NBEA: variants seen among roughly 807,000 people sequenced by gnomAD.
NBEA encodes the protein neurobeachin, also known as lysosomal-trafficking regulator 2.
In NBEA, 44 loss-of-function variants were observed where a neutral mutation model predicts 343.4. The ratio of observed to expected loss-of-function variants is 0.13; its 90% CI spans 0.10 to 0.16. The LOEUF is 0.16. NBEA is among the 10% of genes least tolerant of loss of function. NBEA has a pLI of 1.00. For missense variants in NBEA, 2,555 were observed against 3,631.3 expected, an observed-to-expected ratio of 0.70 and a Z score of 7.62; for synonymous variants, 1,175 against 1,238.7, an observed-to-expected ratio of 0.95 and a Z score of 1.08.
intron 41 of NBEA, among the ~76,000 whole-genome samples, chr13:35,526,937 G>A (rs73171526): frequency 6.6e-4 from 101 of 152,162 alleles, no homozygotes; most frequent in Non-Finnish European, 1.4e-3. Context: ...TAGACACCAG[G>A]AACCACAGAG....
intron 31 of NBEA, among the ~76,000 whole-genome samples, chr13:35,205,352 C>T (rs1050937603): frequency 6.6e-6 from 1 of 152,116 alleles, no homozygotes; most frequent in Non-Finnish European, 1.5e-5. Context: ...TGATTAGAAA[C>T]TGGAATTCAT....
At chr13:35,104,887 A>G (rs567994675) in intron 11 of NBEA, among the ~76,000 whole-genome samples, 11 of 152,126 alleles carry the variant, frequency 7.2e-5, no homozygotes, top group South Asian at 6.2e-4. Flanking sequence ...GATTCAAAGT[A>G]TCTTAAACAT....
At position 35,278,104 on chromosome 13, in the gene NBEA, TATAAAATATATATATATAC is replaced by T. The variant is rs1169599844; in HGVS notation, c.5777-12267_5777-12249del. Among the ~76,000 whole-genome samples the T allele has an allele frequency of 6.1e-5, 9 of 147,604 alleles. No homozygotes were observed. In the East Asian group the frequency reaches 1.4e-3, roughly 22 times the overall value. ...CTCCATCTCAAAAAATATATATATA[TATAAAATATATATATATAC>T]ATAAAATATATATATATGCACACAT... On this transcript the variant is annotated intron_variant, in intron 34 of 58. Transcript: ENST00000379939.
chr13:35,425,670 A>G (rs9530567), intron 38 of NBEA, among the ~76,000 whole-genome samples: 56,226 of 151,916 alleles, frequency 0.37, 10,626 homozygotes, highest in East Asian at 0.63. Context: ...GGTCCTCTTG[A>G]TGCAGAGCTG....
intron 38 of NBEA, among the ~76,000 whole-genome samples, chr13:35,420,956 T>C (rs2044235060): frequency 6.6e-6 from 1 of 152,008 alleles, no homozygotes. Context: ...TCTTTGTTTT[T>C]GTTAATTTTT....
At chr13:35,407,976 A>G (rs570489683) in intron 38 of NBEA, among the ~76,000 whole-genome samples, 2 of 152,344 alleles carry the variant, frequency 1.3e-5, no homozygotes, top group South Asian at 2.1e-4. Flanking sequence ...CTATTAACCT[A>G]CCATTGAGAT....
At chr13:35,273,924 T>A (rs944658439) in intron 34 of NBEA, among the ~76,000 whole-genome samples, 1 of 152,170 alleles carries the variant, frequency 6.6e-6, no homozygotes, top group Non-Finnish European at 1.5e-5. Flanking sequence ...ACAGCCGAAT[T>A]CTACCAGATA....
chr13:35,610,057 T>C (rs2082439862), intron 48 of NBEA, among the ~76,000 whole-genome samples: 1 of 152,200 alleles, frequency 6.6e-6, no homozygotes. Context: ...CACTGAAAAA[T>C]AATTTGTTTG....
Position 35,156,130 on chromosome 13 carries a change from G to A in NBEA, c.2575G>A (p.Ala859Thr), listed in dbSNP as rs767195302. The change falls in exon 20 of 59, where the codon GCA becomes ACA. Residue 859 changes from alanine (A) to threonine (T), a missense_variant. Physicochemically the swap from Ala to Thr is moderately conservative, Grantham distance 58. Coordinates refer to ENST00000379939, the MANE Select transcript of NBEA (RefSeq NM_001385012.1). ...ATLLKNSTPS[A>T]ELMEVRRLFL... ...TTTGTTAAAAAACTCTACACCAAGT[G>A]CAGAGCTGATGGAAGTTCGTCGTTT... The A allele has an allele frequency of 6.3e-7, 1 of 1,592,820 alleles. No homozygotes were observed. The highest frequency in any genetic ancestry group is 8.5e-7 in the Non-Finnish European group (1 of 1,171,296).
At chr13:35,472,040 G>A (rs543138092) in intron 40 of NBEA, among the ~76,000 whole-genome samples, 2 of 152,078 alleles carry the variant, frequency 1.3e-5, no homozygotes, top group Admixed American at 6.5e-5. Context: ...TGACTGCCTA[G>A]GGTCTCTGGA....
At chr13:35,131,473 A>G (rs1272390118) in intron 17 of NBEA, among the ~76,000 whole-genome samples, 1 of 152,190 alleles carries the variant, frequency 6.6e-6, no homozygotes, top group Non-Finnish European at 1.5e-5. Flanking sequence ...GTGTGCAAAA[A>G]ATTTTCATAA....
intron 1 of NBEA, among the ~76,000 whole-genome samples, chr13:34,970,161 G>A (rs1452339752): frequency 1.3e-5 from 2 of 152,014 alleles, no homozygotes; most frequent in Non-Finnish European, 2.9e-5. Flanking sequence ...GCTGAGCTTT[G>A]TTTCATATGA....
intron 41 of NBEA, among the ~76,000 whole-genome samples, chr13:35,533,413 A>G (rs1411400367): frequency 6.6e-6 from 1 of 152,156 alleles, no homozygotes; most frequent in Non-Finnish European, 1.5e-5. Context: ...ATAAAAATTT[A>G]TAATACGTAT....
chr13:35,497,032 T>TA (rs2076708258), intron 41 of NBEA, among the ~76,000 whole-genome samples: 1 of 152,072 alleles, frequency 6.6e-6, no homozygotes, highest in Non-Finnish European at 1.5e-5. Context: ...CACTGTGAAT[T>TA]ACGCAAATAG....
chr13:35,464,389 G>C (rs1278235235), intron 40 of NBEA, among the ~76,000 whole-genome samples: 1 of 152,088 alleles, frequency 6.6e-6, no homozygotes, highest in Admixed American at 6.5e-5. Flanking sequence ...TGCTCACAAT[G>C]CTCTCGAAGA....
chr13:35,147,124 A>G (rs921647449), intron 18 of NBEA, among the ~76,000 whole-genome samples: 9 of 152,150 alleles, frequency 5.9e-5, no homozygotes, highest in African/African-American at 2.2e-4. Context: ...AAGTCACCAT[A>G]TGATTTCTTT....
chr13:35,353,412 G>A (rs2040306277), intron 38 of NBEA, among the ~76,000 whole-genome samples: 1 of 151,894 alleles, frequency 6.6e-6, no homozygotes, highest in Admixed American at 6.6e-5. Flanking sequence ...TCCAGCCTGG[G>A]TGACAGAGTG....
At chr13:35,450,930 TATTA>T (rs1269745385) in intron 39 of NBEA, among the ~76,000 whole-genome samples, 1 of 152,224 alleles carries the variant, frequency 6.6e-6, no homozygotes, top group African/African-American at 2.4e-5. Flanking sequence ...GATAATTTTA[TATTA>T]ATTGACACCT....
chr13:35,360,132 C>T (rs1274854547), intron 38 of NBEA, among the ~76,000 whole-genome samples: 1 of 151,678 alleles, frequency 6.6e-6, no homozygotes, highest in Non-Finnish European at 1.5e-5. Context: ...GTTGATCTGA[C>T]CTAAAGCTTG....
Sources: gnomAD v4.1 joint callset for allele counts (sites outside exome capture counted in the v4.1 genomes callset) on GRCh38, gnomAD v4.1.1 for gene constraint, MANE v1.5 for transcripts, NCBI Gene and HGNC (gene_info 2026-07-23, HGNC 2026-07-21) for gene names.